Variants in AGTPBP1 observed in about 807,000 individuals in gnomAD.
AGTPBP1 encodes the protein ATP/GTP binding carboxypeptidase 1.
Under a neutral mutation model 143.9 loss-of-function variants are expected in AGTPBP1, and 70 were observed. The ratio of observed to expected loss-of-function variants is 0.49; its 90% CI spans 0.40 to 0.59. AGTPBP1 has a LOEUF of 0.59. AGTPBP1 is among the 20% of genes least tolerant of loss of function. The probability of loss-of-function intolerance (pLI) is 0.00; values close to 1 mark genes in which losing one functional copy is unlikely to be tolerated. For missense variants in AGTPBP1, 1,229 were observed against 1,464.5 expected (o/e 0.84, Z 2.62); for synonymous variants, 463 against 500.2 (o/e 0.93, Z 0.99).
At chr9:85,585,357 G>A in intron 23 of AGTPBP1, 106 bp downstream of exon 23, 1 of 1,152,270 alleles carries the variant, frequency 8.7e-7, no homozygotes, top group South Asian at 3.1e-5. Context: ...AACAAAAATG[G>A]CAAAATGTCA....
At chr9:85,795,768 C>T in the AGTPBP1 span, among the ~76,000 whole-genome samples, 1 of 151,704 alleles carries the variant, frequency 6.6e-6, no homozygotes, top group Admixed American at 6.6e-5. Flanking sequence ...CAGCTGCATC[C>T]ATGTTGCTGC....
chr9:85,745,849 T>C (rs1204669369), upstream of AGTPBP1, among the ~76,000 whole-genome samples: 5 of 152,136 alleles, frequency 3.3e-5, no homozygotes, highest in African/African-American at 2.4e-5. Flanking sequence ...TTGGTAAGGC[T>C]TTTCTCTTTA....
At chr9:85,550,035 A>C (rs903808732) in intron 25 of AGTPBP1, among the ~76,000 whole-genome samples, 4 of 152,176 alleles carry the variant, frequency 2.6e-5, no homozygotes, top group African/African-American at 9.7e-5. Context: ...TAAGGTCTAC[A>C]TTGGAGCTGA....
intron 22 of AGTPBP1, among the ~76,000 whole-genome samples, 198 bp from the exon 23 acceptor site, chr9:85,585,792 T>C (rs566653441): frequency 1.3e-5 from 2 of 152,328 alleles, no homozygotes; most frequent in African/African-American, 4.8e-5. Context: ...AATTCTAGAA[T>C]TGCCAAATCC....
the AGTPBP1 span, among the ~76,000 whole-genome samples, chr9:85,772,268 C>CT: frequency 1.1e-4 from 16 of 152,328 alleles, no homozygotes; most frequent in South Asian, 3.1e-3. Context: ...GCCACCGTGC[C>CT]TGGCCCTTGT....
At position 85,575,496 on chromosome 9, in the gene AGTPBP1, T is replaced by C. The variant is rs753348445; in HGVS notation, c.3343-21A>G. 10 of 1,577,162 alleles carry C rather than the reference T, an allele frequency of 6.3e-6. No homozygotes were observed. The South Asian group carries it at 1.2e-4, about 19-fold the overall frequency. The stretch of plus-strand genomic sequence containing the variant: ...AAACCCTTGAAATAAACAAATATTA[T>C]GCATATAATTACAAAGTTTGCTATC... On this transcript the variant is annotated intron_variant, in intron 24 of 25. Transcript: ENST00000357081.
intron 11 of AGTPBP1, among the ~76,000 whole-genome samples, chr9:85,654,702 G>A (rs1264663060): frequency 1.3e-5 from 2 of 151,922 alleles, no homozygotes; most frequent in Non-Finnish European, 2.9e-5. Context: ...AATTACCCGG[G>A]AATGGTGGCA....
upstream of AGTPBP1, among the ~76,000 whole-genome samples, chr9:85,745,924 G>A (rs923075055): frequency 6.6e-6 from 1 of 152,176 alleles, no homozygotes; most frequent in African/African-American, 2.4e-5. Context: ...TCCAGACATA[G>A]ACAAGCAATC....
At chr9:85,652,769 C>T (rs1224747713) in intron 11 of AGTPBP1, among the ~76,000 whole-genome samples, 3 of 152,168 alleles carry the variant, frequency 2.0e-5, no homozygotes, top group African/African-American at 7.2e-5. Flanking sequence ...GTGGAAACCC[C>T]CACCCCCATC....
At chr9:85,790,200 C>T in the AGTPBP1 span, among the ~76,000 whole-genome samples, 1 of 152,072 alleles carries the variant, frequency 6.6e-6, no homozygotes, top group Non-Finnish European at 1.5e-5. Flanking sequence ...TTGCAATAAG[C>T]ATCTCAAAAG....
intron 17 of AGTPBP1, among the ~76,000 whole-genome samples, chr9:85,610,858 CTTTT>C (rs1204513674): frequency 6.6e-6 from 1 of 152,128 alleles, no homozygotes; most frequent in Admixed American, 6.5e-5. Context: ...TGGTCCCTTT[CTTTT>C]AATTCTGTTA....
chr9:85,572,004 G>GTTTTTTTTTTTTTTTTTTTTTTTTTTTTT (rs55882437), intron 25 of AGTPBP1, among the ~76,000 whole-genome samples: 1 of 43,496 alleles, frequency 2.3e-5, no homozygotes, highest in Non-Finnish European at 5.0e-5. Flanking sequence ...GTTTGTGTGT[G>GTTTTTTTTTTTTTTTTTTTTTTTTTTTTT]TTTTTTTTTT....
intron 25 of AGTPBP1, among the ~76,000 whole-genome samples, chr9:85,564,156 A>G (rs1365203729): frequency 6.6e-6 from 1 of 152,254 alleles, no homozygotes; most frequent in Middle Eastern, 3.2e-3. Flanking sequence ...TAGGGATCCA[A>G]CCAATGGCCA....
At chr9:85,591,170 T>C (rs1828935926) in intron 19 of AGTPBP1, among the ~76,000 whole-genome samples, 1 of 144,992 alleles carries the variant, frequency 6.9e-6, no homozygotes, top group South Asian at 2.2e-4. Context: ...TCAAATAGTA[T>C]GTGGATATGG....
intron 1 of AGTPBP1, among the ~76,000 whole-genome samples, chr9:85,714,084 C>T (rs553957337): frequency 2.3e-4 from 35 of 152,308 alleles, no homozygotes; most frequent in Non-Finnish European, 3.7e-4. Flanking sequence ...GCACTAATAT[C>T]ATAGCCAACT....
At position 85,705,932 on chromosome 9, in the gene AGTPBP1, C is replaced by A. The variant is rs1005616504; in HGVS notation, c.32+6570G>T. Reference sequence around the variant, plus strand: ...GTCTCGATCTCCTGACCTTGTGATCCGCCCGCCTCGGCCTCCCAAAGTGCT... The same window carrying A: ...GTCTCGATCTCCTGACCTTGTGATCAGCCCGCCTCGGCCTCCCAAAGTGCT... On this transcript the variant is annotated intron_variant, in intron 2 of 25. Transcript: ENST00000357081. 3.3e-5 allele frequency among the ~76,000 whole-genome samples: 5 copies of A among 151,786 alleles called. No individual in the cohort carries two copies. The East Asian group carries it at 9.8e-4, about 30-fold the overall frequency.
At chr9:85,787,670 A>G in the AGTPBP1 span, among the ~76,000 whole-genome samples, 1 of 152,184 alleles carries the variant, frequency 6.6e-6, no homozygotes, top group Non-Finnish European at 1.5e-5. Context: ...TTTCAGTTAT[A>G]GGAAACATCC....
intron 2 of AGTPBP1, among the ~76,000 whole-genome samples, chr9:85,711,001 G>A (rs1401309305): frequency 6.6e-6 from 1 of 152,054 alleles, no homozygotes; most frequent in Admixed American, 6.6e-5. Flanking sequence ...GTTAATAACT[G>A]CAAAACCTAG....
At chr9:85,629,134 C>T (rs753736354) in intron 14 of AGTPBP1, among the ~76,000 whole-genome samples, 8 of 152,154 alleles carry the variant, frequency 5.3e-5, no homozygotes, top group Non-Finnish European at 1.0e-4. Context: ...AACTCTCATC[C>T]ACCTTTTGAT....
Sources: gnomAD v4.1 joint callset for allele counts (sites outside exome capture counted in the v4.1 genomes callset) on GRCh38, gnomAD v4.1.1 for gene constraint, MANE v1.5 for transcripts, NCBI Gene and HGNC (gene_info 2026-07-23, HGNC 2026-07-21) for gene names.